The following ABR variants were observed in gnomAD, a reference collection of about 807,000 sequenced individuals.
ABR encodes the protein active breakpoint cluster region-related protein.
ABR carries 35 observed loss-of-function variants against 107.2 expected under a neutral mutation model. The observed-to-expected ratio is 0.33, with a 90% CI of 0.25 to 0.43. The LOEUF is 0.43. Among genes scored for constraint, ABR ranks in the 20% least tolerant of loss-of-function variants. ABR has a pLI of 1.00. For missense variants in ABR, 815 were observed against 1,115.2 expected (o/e 0.73, Z 3.83); for synonymous variants, 498 against 462.0 (o/e 1.08, Z -1.00).
intron 9 of ABR, among the ~76,000 whole-genome samples, chr17:1,067,579 C>A (rs2258166): frequency 6.6e-6 from 1 of 152,094 alleles, no homozygotes; most frequent in African/African-American, 2.4e-5. Context: ...TATTCCCCAC[C>A]ACAATCCCCT....
At position 1,112,767 on chromosome 17, in the gene ABR, G is replaced by A. The variant is rs140707235; in HGVS notation, c.247-12032C>T. On this transcript the variant is annotated intron_variant, in intron 2 of 22. Transcript: ENST00000302538. ...ACCTAGCTACTGTTTGAAATCTTTCGCAGCCACTGAGATTTCTGACACCAT... is the reference window on the plus strand; with the variant it reads ...ACCTAGCTACTGTTTGAAATCTTTCACAGCCACTGAGATTTCTGACACCAT... Among the ~76,000 whole-genome samples the A allele has an allele frequency of 3.0e-3, 456 of 152,230 alleles. 1 individual carries two copies. The highest frequency in any genetic ancestry group is 0.015 in the South Asian group (71 of 4,820).
chr17:1,050,381 C>T lies in ABR; in HGVS notation c.1659+156G>A, dbSNP rs2032326404. On this transcript the variant is annotated intron_variant, in intron 15 of 22. Transcript: ENST00000302538. The surrounding 1 kb of genome is among the most constrained non-coding windows in gnomAD (Gnocchi z 4.6). Reference sequence around the variant, plus strand: ...GAGCTGACACCACAGGGTCTGACACCCAGACACACACCGCGATCAGAAGCC... The same window carrying T: ...GAGCTGACACCACAGGGTCTGACACTCAGACACACACCGCGATCAGAAGCC... Among the ~76,000 whole-genome samples, 2 of 152,118 alleles carry T rather than the reference C, an allele frequency of 1.3e-5. No homozygotes were observed. The highest frequency in any genetic ancestry group is 1.3e-4 in the Admixed American group (2 of 15,266).
At chr17:1,162,399 C>A (rs2041336720) in intron 1 of ABR, among the ~76,000 whole-genome samples, 1 of 152,210 alleles carries the variant, frequency 6.6e-6, no homozygotes, top group East Asian at 1.9e-4. Flanking sequence ...CCTCTCCCTG[C>A]TTCTCCATCC....
intron 2 of ABR, chr17:1,109,130 G>A (rs1041736837): frequency 1.6e-5 from 25 of 1,523,534 alleles, no homozygotes; most frequent in East Asian, 2.6e-5. Context: ...GGCGGGAGGA[G>A]GGAGGAGGGA....
At chr17:1,192,011 T>C (rs1473607471), upstream of ABR, among the ~76,000 whole-genome samples, 1 of 152,186 alleles carries the variant, frequency 6.6e-6, no homozygotes, top group Non-Finnish European at 1.5e-5. Flanking sequence ...CCCTTGATGT[T>C]CTCACCTCGA....
intron 1 of ABR, among the ~76,000 whole-genome samples, chr17:1,126,075 C>A (rs1480301623): frequency 6.6e-6 from 1 of 152,154 alleles, no homozygotes; most frequent in Non-Finnish European, 1.5e-5. Flanking sequence ...GGAAGTTGAG[C>A]CGCATTAACC....
intron 3 of ABR, among the ~76,000 whole-genome samples, chr17:1,097,004 A>AG (rs1367979617): frequency 6.6e-6 from 1 of 150,974 alleles, no homozygotes; most frequent in Non-Finnish European, 1.5e-5. Flanking sequence ...CAGCTGGGGA[A>AG]GGGGGGAACC....
At position 1,199,439 on chromosome 17, in the gene ABR, C is replaced by T. The variant is rs557935039; in HGVS notation, c.838+29354G>A. On this transcript the variant is annotated intron_variant, in intron 1 of 22. Transcript: ENST00000574139. ...TTTTGAAACAGGATCTTGCTCTGTT[C>T]CCCAGCTGGAGTGCAGTGGTGCAAT... 2.8e-3 allele frequency among the ~76,000 whole-genome samples: 423 copies of T among 150,986 alleles called. 15 individuals carry two copies. Among genetic ancestry groups the T allele is most frequent in the Admixed American group, 0.024 (367 of 15,150 alleles).
Position 1,148,880 on chromosome 17 carries a change from T to G in ABR, c.62-23513A>C, listed in dbSNP as rs1376473198. ...AATTTTAGGCATGTGTATTTTGCCA[T>G]GATTTTCTTTTGTTTTTTGTTTTTG... On this transcript the variant is annotated intron_variant, in intron 1 of 22. Transcript: ENST00000302538. The surrounding 1 kb of genome is among the most constrained non-coding windows in gnomAD (Gnocchi z 4.9). Among the ~76,000 whole-genome samples the G allele has an allele frequency of 1.3e-5, 2 of 152,104 alleles. No homozygotes were observed. Among genetic ancestry groups the G allele is most frequent in the African/African-American group, 2.4e-5 (1 of 41,412 alleles).
rs74835549 is a variant in ABR at position 1,127,788 on chromosome 17, G to A, written c.62-2421C>T. ...TTGGGAGATCGTCCAAGATCAACGG[G>A]GGGGAAGGGACGGTAGGGAAGGTCT... On this transcript the variant is annotated intron_variant, in intron 1 of 22. Coordinates refer to ENST00000302538, the MANE Select transcript of ABR (RefSeq NM_021962.5). 3.8e-3 allele frequency among the ~76,000 whole-genome samples: 572 copies of A among 152,310 alleles called. 4 individuals are homozygous for A. Among genetic ancestry groups the A allele is most frequent in the African/African-American group, 0.013 (535 of 41,568 alleles).
chr17:1,025,630 G>A (rs1182932882), intron 16 of ABR, among the ~76,000 whole-genome samples: 2 of 152,154 alleles, frequency 1.3e-5, no homozygotes, highest in Non-Finnish European at 2.9e-5. Flanking sequence ...GGCCTGGAAT[G>A]CACTGCCCCC....
chr17:1,007,738 C>T (rs908371037), intron 21 of ABR, among the ~76,000 whole-genome samples: 2 of 152,244 alleles, frequency 1.3e-5, no homozygotes, highest in African/African-American at 4.8e-5. Flanking sequence ...AAGTGACTTG[C>T]CCAAGGTCAC....
intron 1 of ABR, among the ~76,000 whole-genome samples, chr17:1,146,383 G>C (rs2040528467): frequency 6.6e-6 from 1 of 151,796 alleles, no homozygotes; most frequent in African/African-American, 2.4e-5. Flanking sequence ...CCTCCTACCA[G>C]CAAGCACAGC....
At chr17:1,178,576 A>AAAG (rs1555613717) in intron 1 of ABR, among the ~76,000 whole-genome samples, 82 of 150,240 alleles carry the variant, frequency 5.5e-4, no homozygotes, top group Admixed American at 8.6e-4. Flanking sequence ...AAAAAAAAAA[A>AAAG]AAAGAAAGAA....
At chr17:1,160,592 G>C (rs997684812) in intron 1 of ABR, among the ~76,000 whole-genome samples, 1 of 152,228 alleles carries the variant, frequency 6.6e-6, no homozygotes, top group South Asian at 2.1e-4. Context: ...CCAGGTGCCA[G>C]GGGTACGACG....
chr17:1,015,361 T>C lies in ABR; in HGVS notation c.1792-2197A>G, dbSNP rs531617399. Among the ~76,000 whole-genome samples the C allele has an allele frequency of 3.0e-3, 454 of 149,510 alleles. 1 individual carries two copies. The highest frequency in any genetic ancestry group is 0.011 in the African/African-American group (435 of 40,698). On this transcript the variant is annotated intron_variant, in intron 16 of 22. Transcript: ENST00000302538. ...TTGAACCCAGGAGGTGGAGGTTGCATTGAGCCAAGATCACACCACTGCACT... is the reference window on the plus strand; with the variant it reads ...TTGAACCCAGGAGGTGGAGGTTGCACTGAGCCAAGATCACACCACTGCACT...
In ABR at chr17:1,007,201, C is replaced by G; in HGVS notation, c.2454G>C (p.Ser818=). The change falls in exon 22 of 23, where the codon TCG becomes TCC. Residue 818 remains serine, a synonymous_variant. Coordinates refer to ENST00000302538, the MANE Select transcript of ABR (RefSeq NM_021962.5). ...CGTCATGGGACCAGATGTCCGCAGC[C>G]GAGGTGAGGTGTGCTTTGCTCTCCA... is the stretch of plus-strand genomic sequence containing the variant. The part of the protein sequence containing the change: ...SEVESKAHLT[S]AADIWSHDVM... 5.6e-6 allele frequency: 9 copies of G among 1,613,838 alleles called. No homozygotes were observed. The highest frequency in any genetic ancestry group is 7.6e-6 in the Non-Finnish European group (9 of 1,179,854).
At chr17:1,229,373 C>T (rs2043291319) in exon 1 of ABR, among the ~76,000 whole-genome samples, 1 of 146,148 alleles carries the variant, frequency 6.8e-6, no homozygotes, top group Non-Finnish European at 1.5e-5. Context: ...GCCCGGGGTC[C>T]CCGCGGGGAG....
At chr17:1,055,517 G>A (rs1172225562) in intron 14 of ABR, 2 of 152,418 alleles carry the variant, frequency 1.3e-5, no homozygotes, top group Non-Finnish European at 2.9e-5. Flanking sequence ...CCACGTGTTT[G>A]TCGCACTCGG....
Sources: gnomAD v4.1 joint callset for allele counts (sites outside exome capture counted in the v4.1 genomes callset) on GRCh38, gnomAD v4.1.1 for gene constraint, Gnocchi (gnomAD v3.1) non-coding constraint, MANE v1.5 for transcripts, NCBI Gene and HGNC (gene_info 2026-07-23, HGNC 2026-07-21) for gene names.